CROCC: variants seen among roughly 807,000 people sequenced by gnomAD.
CROCC encodes the protein rootletin.
In CROCC, 180 loss-of-function variants were observed where a neutral mutation model predicts 245.2. The ratio of observed to expected loss-of-function variants is 0.73; its 90% confidence interval spans 0.65 to 0.83. The LOEUF (loss-of-function observed/expected upper bound fraction) is 0.83. Ranked by LOEUF, CROCC falls within the 40% of genes least tolerant of loss-of-function variation. The pLI is 0.00. For missense variants in CROCC, 2,688 were observed against 2,779.4 expected (o/e 0.97, Z 0.74); for synonymous variants, 1,205 against 1,241.6 (o/e 0.97, Z 0.62).
Position 16,944,174 on chromosome 1 carries a change from A to T in CROCC, c.1883A>T (p.Lys628Met). The part of the protein sequence containing the change: ...QAEELRQERE[K>M]LQAAQEELRR... ...GAGGAGCTGCGGCAGGAGCGGGAGA[A>T]GCTGCAGGCTGCCCAGGAGGAGCTG... is the stretch of plus-strand genomic sequence containing the variant. The change falls in exon 14 of 37, where the codon AAG (lysine) becomes ATG (methionine). Residue 628 changes from lysine (K) to methionine (M), a missense_variant. By Grantham distance (95) the Lys-to-Met change is moderately conservative. Coordinates refer to ENST00000375541, the MANE Select transcript of CROCC (RefSeq NM_014675.5). The T allele has an allele frequency of 6.4e-7, 1 of 1,555,644 alleles. No homozygotes were observed. Among genetic ancestry groups the T allele is most frequent in the Non-Finnish European group, 8.7e-7 (1 of 1,149,536 alleles).
In CROCC at chr1:16,939,084, ACTC is replaced by A. The variant is rs1440507956; in HGVS notation, c.1555_1557del (p.Ser519del). The stretch of plus-strand genomic sequence containing the variant: ...CGAGGCCCCTCCCCGGCCTGCTCAG[ACTC>A]CTCCACGCTCGCCCTGATCCACTCC... On this transcript the variant is annotated inframe_deletion, in exon 12 of 37. Coordinates refer to ENST00000375541, the MANE Select transcript of CROCC (RefSeq NM_014675.5). The A allele has an allele frequency of 6.3e-7, 1 of 1,581,756 alleles. No homozygotes were observed. The highest frequency in any genetic ancestry group is 8.5e-7 in the Non-Finnish European group (1 of 1,170,190).
In CROCC at chr1:16,946,934, G is replaced by A. The variant is rs1172654591; in HGVS notation, c.2457G>A (p.Glu819=). 6.4e-7 allele frequency: 1 copy of A among 1,562,802 alleles called. No homozygotes were observed. The highest frequency in any genetic ancestry group is 1.2e-5 in the South Asian group (1 of 84,900). The change falls in exon 17 of 37, where the codon GAG becomes GAA. Residue 819 remains glutamate, a synonymous_variant. Coordinates refer to ENST00000375541, the MANE Select transcript of CROCC (RefSeq NM_014675.5). ...RVAEQAQEAL[E]QQLPTLRHER... ...CGGAGCAGGCCCAGGAGGCATTGGA[G>A]CAGCAGCTCCCCACGCTGCGCCATG...
Position 16,969,276 on chromosome 1 carries a change from G to A in CROCC, c.5237G>A (p.Arg1746Gln), listed in dbSNP as rs139786167. ...AQSSASLNST[R>Q]DKNLHLQKAL... is the part of the protein sequence containing the mutation. Reference sequence around the variant, plus strand: ...AGCAGTGCCAGCCTCAACAGCACCCGGGACAAGAACCTGCATCTGCAGAAG... The same window carrying A: ...AGCAGTGCCAGCCTCAACAGCACCCAGGACAAGAACCTGCATCTGCAGAAG... Residue 1746 changes from arginine (R) to glutamine (Q), a missense_variant, in exon 32 of 37, where the codon CGG becomes CAG. Around this residue, in one of 9 missense-constraint regions of CROCC, gnomAD observed 1,218 missense variants for 1,286.3 expected, o/e 0.95. Coordinates refer to ENST00000375541, the MANE Select transcript of CROCC (RefSeq NM_014675.5). 10,974 of 1,613,218 alleles carry A rather than the reference G, an allele frequency of 6.8e-3. 65 individuals carry two copies. The highest frequency in any genetic ancestry group is 8.3e-3 in the Non-Finnish European group (9,765 of 1,179,882).
In CROCC at chr1:16,946,858, G is replaced by T. The variant is rs746641871; in HGVS notation, c.2381G>T (p.Arg794Leu). The change falls in exon 17 of 37, where the codon CGG (arginine) becomes CTG (leucine). Residue 794 changes from arginine (R) to leucine (L), a missense_variant. This residue lies in a region of CROCC where 295 missense variants were observed against 241.7 expected (regional missense o/e 1.22). Transcript: ENST00000375541. The part of the protein sequence containing the change: ...REEQERLEEL[R>L]LEQEVARQGL... ...GAGCAGGAACGGCTAGAGGAGCTGC[G>T]GTTGGAGCAGGAGGTGGCGCGGCAG... The T allele has an allele frequency of 1.9e-6, 3 of 1,556,130 alleles. No homozygotes were observed. Among genetic ancestry groups the T allele is most frequent in the Non-Finnish European group, 2.6e-6 (3 of 1,149,824 alleles).
At chr1:16,958,156 A>G (rs1007838114) in intron 25 of CROCC, among the ~76,000 whole-genome samples, 7 of 152,262 alleles carry the variant, frequency 4.6e-5, no homozygotes, top group Admixed American at 2.0e-4. Context: ...GTTACTACCT[A>G]CCTCATATAG....
At chr1:16,936,110 GT>G (rs147794673) in intron 8 of CROCC, among the ~76,000 whole-genome samples, 277 of 150,784 alleles carry the variant, frequency 1.8e-3, no homozygotes, top group South Asian at 3.4e-3. Context: ...CCAGTGTAGG[GT>G]TTTTTTTTTC....
At position 16,930,522 on chromosome 1, in the gene CROCC, G is replaced by C; in HGVS notation, c.777G>C (p.Lys259Asn). The C allele has an allele frequency of 3.7e-6, 6 of 1,612,598 alleles. No homozygotes were observed. The highest frequency in any genetic ancestry group is 5.1e-6 in the Non-Finnish European group (6 of 1,179,860). ...AGGCTCTGAGTGAGGACATACGAAA[G>C]GTGACCAATGACTGGACACGCTGCC... ...ANQALSEDIR[K>N]VTNDWTRCRK... The change falls in exon 7 of 37, where the codon AAG (lysine) becomes AAC (asparagine). Residue 259 changes from lysine (K) to asparagine (N), a missense_variant. This residue lies in a region of CROCC where 972 missense variants were observed against 895.3 expected (regional missense o/e 1.09). Transcript: ENST00000375541.
At chr1:16,926,959 G>A (rs1311596928) in intron 3 of CROCC, among the ~76,000 whole-genome samples, 11 of 152,266 alleles carry the variant, frequency 7.2e-5, no homozygotes, top group Non-Finnish European at 1.2e-4. Context: ...AGGTGTGGCC[G>A]AGAGGGCCCT....
chr1:16,953,209 G>C (rs1052793100), intron 20 of CROCC, 93 bp from the exon 21 acceptor site: 4 of 1,143,640 alleles, frequency 3.5e-6, no homozygotes, highest in Admixed American at 2.2e-5. Flanking sequence ...CTGAGGGTAT[G>C]GGGGCCAGAT....
In CROCC at chr1:16,971,658, C is replaced by T; in HGVS notation, c.5967+11C>T. 12 of 1,473,818 alleles carry T rather than the reference C, an allele frequency of 8.1e-6. No homozygotes were observed. The highest frequency in any genetic ancestry group is 1.1e-5 in the Non-Finnish European group (12 of 1,111,662). 91.3% of individuals were successfully genotyped at this position (1,473,818 alleles called of 1,614,324 possible). On this transcript the variant is annotated intron_variant, in intron 36 of 36. Coordinates refer to ENST00000375541, the MANE Select transcript of CROCC (RefSeq NM_014675.5). ...GGGCTGGAGGAGCAGGTGTGCAGGC[C>T]CCCTTAGAAGGCTGGGCCAGGATGG...
At chr1:16,957,091 G>A (rs1406119637) in intron 25 of CROCC, among the ~76,000 whole-genome samples, 1 of 152,128 alleles carries the variant, frequency 6.6e-6, no homozygotes, top group Non-Finnish European at 1.5e-5. Flanking sequence ...GGGTAACATG[G>A]TGAAAACCTG....
intron 25 of CROCC, among the ~76,000 whole-genome samples, chr1:16,957,969 G>A (rs1169052119): frequency 1.3e-5 from 2 of 149,862 alleles, no homozygotes; most frequent in Non-Finnish European, 3.0e-5. Flanking sequence ...TACCCCTGCT[G>A]TAGCACATGG....
chr1:16,940,002 C>T lies in CROCC; in HGVS notation c.1717C>T (p.Leu573=). The change falls in exon 13 of 37, where the codon CTG becomes TTG. Residue 573 remains leucine (L), a synonymous_variant. Coordinates refer to ENST00000375541, the MANE Select transcript of CROCC (RefSeq NM_014675.5). ...GGCCCTAGAGGAACAGCTGCAGCGC[C>T]TGCGGGACAAGACCGACGGCGCCAT... ...RRALEEQLQR[L]RDKTDGAMQA... is the part of the protein sequence containing the mutation. 2.5e-6 allele frequency: 4 copies of T among 1,612,096 alleles called. No individual in the cohort carries two copies. Among genetic ancestry groups the T allele is most frequent in the Non-Finnish European group, 3.4e-6 (4 of 1,179,692 alleles).
chr1:16,915,063 CTGACT>C (rs1433360787), intron 1 of CROCC, among the ~76,000 whole-genome samples: 1 of 152,186 alleles, frequency 6.6e-6, no homozygotes, highest in African/African-American at 2.4e-5. Flanking sequence ...GCACATTTCC[CTGACT>C]TAACCCTCCC....
chr1:16,929,989 C>A lies in CROCC; in HGVS notation c.495C>A (p.Gly165=), dbSNP rs572267346. Residue 165 remains glycine, a synonymous_variant, in exon 4 of 37, where the codon GGC becomes GGA. Transcript: ENST00000375541. ...GCAAGCTGCAGGCCTACCAGGAGGG[C>A]CAGCAGCGGCAGGCCCAGCTTGTGC... ...YRRKLQAYQE[G]QQRQAQLVQR... 4.8e-4 allele frequency: 766 copies of A among 1,587,036 alleles called. 1 individual carries two copies. In the South Asian group the frequency reaches 8.4e-3, roughly 17 times the overall value.
chr1:16,972,017 T>C (rs1262474740), intron 36 of CROCC, among the ~76,000 whole-genome samples: 3 of 152,232 alleles, frequency 2.0e-5, no homozygotes, highest in Non-Finnish European at 4.4e-5. Context: ...TACCCCTTCC[T>C]GACCATGCCT....
intron 17 of CROCC, among the ~76,000 whole-genome samples, chr1:16,947,499 A>AATAATAATAATAATAATG (rs1444933787): frequency 2.0e-5 from 3 of 150,728 alleles, no homozygotes; most frequent in African/African-American, 7.3e-5. Flanking sequence ...TAATAATAAT[A>AATAATAATAATAATAATG]ATGATACAGA....
At position 16,936,809 on chromosome 1, in the gene CROCC, C is replaced by G. The variant is rs752617403; in HGVS notation, c.1129C>G (p.Arg377Gly). ...GGAGCAGCTGCGGGACAAGGTGCTCCGCGAGAAGGACCTGGCGCAGCAGCA... is the reference window on the plus strand; with the variant it reads ...GGAGCAGCTGCGGGACAAGGTGCTCGGCGAGAAGGACCTGGCGCAGCAGCA... Reference protein sequence around the residue: ...LEEQLRDKVLREKDLAQQQMQ... With the variant: ...LEEQLRDKVLGEKDLAQQQMQ... The change falls in exon 9 of 37, where the codon CGC becomes GGC. Residue 377 changes from arginine (R) to glycine (G), a missense_variant. By Grantham distance (125) the Arg-to-Gly change is moderately radical. This residue lies in a region of CROCC where 972 missense variants were observed against 895.3 expected (regional missense o/e 1.09). Transcript: ENST00000375541. 20 of 1,612,196 alleles carry G rather than the reference C, an allele frequency of 1.2e-5. No individual in the cohort carries two copies. The highest frequency in any genetic ancestry group is 1.6e-5 in the Non-Finnish European group (19 of 1,179,836).
chr1:16,916,761 C>T (rs1224332585), intron 1 of CROCC, among the ~76,000 whole-genome samples: 1 of 152,296 alleles, frequency 6.6e-6, no homozygotes, highest in African/African-American at 2.4e-5. Context: ...AGTCCTCCTA[C>T]CTTGGCCTCC....
Sources: gnomAD v4.1 joint callset for allele counts (sites outside exome capture counted in the v4.1 genomes callset) on GRCh38, gnomAD v4.1.1 for gene constraint, gnomAD v4.1.1 regional missense constraint, MANE v1.5 for transcripts, NCBI Gene and HGNC (gene_info 2026-07-23, HGNC 2026-07-21) for gene names.